SPHKAP: variants seen among roughly 807,000 people sequenced by gnomAD.
The protein encoded by SPHKAP is A-kinase anchor protein SPHKAP.
A neutral mutation model predicts 137.5 loss-of-function variants in SPHKAP; 67 were observed. That is an observed-to-expected ratio of 0.49 (90% CI 0.40 to 0.60). The LOEUF (loss-of-function observed/expected upper bound fraction) is 0.60, where lower values mean the gene tolerates loss of function less well. Among genes scored for constraint, SPHKAP ranks in the 20% least tolerant of loss-of-function variants. The pLI, the probability that SPHKAP is intolerant of heterozygous loss-of-function variation, is 0.00. For missense variants in SPHKAP, 2,097 were observed against 2,069.3 expected (o/e 1.01, Z -0.26); for synonymous variants, 813 against 785.3 (o/e 1.04, Z -0.59).
At chr2:228,058,034 T>G (rs1284329891) in intron 3 of SPHKAP, among the ~76,000 whole-genome samples, 1 of 152,146 alleles carries the variant, frequency 6.6e-6, no homozygotes, top group East Asian at 1.9e-4. Context: ...TAATAATTGG[T>G]CTTATTTAGT....
intron 8 of SPHKAP, chr2:227,994,168 G>T: frequency 1.5e-6 from 1 of 662,418 alleles, no homozygotes; most frequent in Non-Finnish European, 1.9e-6. Flanking sequence ...TGAGACTACA[G>T]AACCATAAGT....
chr2:228,072,613 T>A (rs903792511), intron 3 of SPHKAP, among the ~76,000 whole-genome samples: 3 of 152,198 alleles, frequency 2.0e-5, no homozygotes, highest in African/African-American at 7.2e-5. Context: ...ATAGCCCTAA[T>A]GACTTCTGAA....
At position 228,016,688 on chromosome 2, in the gene SPHKAP, T is replaced by C. The variant is rs759122353; in HGVS notation, c.4166A>G (p.Lys1389Arg). 3.1e-6 allele frequency: 5 copies of C among 1,614,066 alleles called. No homozygotes were observed. The Admixed American group carries it at 8.3e-5, about 27-fold the overall frequency. ...GCTGTGGTTTGTAAGAGAAGCAGTTTTGCTCAAAGATGACACTGGGGGCTG... is the reference window on the plus strand; with the variant it reads ...GCTGTGGTTTGTAAGAGAAGCAGTTCTGCTCAAAGATGACACTGGGGGCTG... ...CKQPPVSSLS[K>R]TASLTNHSPL... is the part of the protein sequence containing the mutation. The change falls in exon 7 of 12, where the codon AAA (lysine) becomes AGA (arginine). Residue 1389 changes from lysine to arginine, a missense_variant. Coordinates refer to ENST00000392056, the MANE Select transcript of SPHKAP (RefSeq NM_001142644.2).
In SPHKAP at chr2:228,093,370, T is replaced by C. The variant is rs188225399; in HGVS notation, c.246+15462A>G. Among the ~76,000 whole-genome samples, 4 of 152,240 alleles carry C rather than the reference T, an allele frequency of 2.6e-5. No individual in the cohort carries two copies. In the East Asian group the frequency reaches 7.7e-4, roughly 29 times the overall value. ...AGTATTATTCATAACAGTCAAAAAGTAGAAACAATGCAAACCTTCCTCAAC... is the reference window on the plus strand; with the variant it reads ...AGTATTATTCATAACAGTCAAAAAGCAGAAACAATGCAAACCTTCCTCAAC... On this transcript the variant is annotated intron_variant, in intron 3 of 11. Transcript: ENST00000392056.
Position 228,001,386 on chromosome 2 carries a change from CATAT to C in SPHKAP, c.4449-5696_4449-5693del, listed in dbSNP as rs572154026. 4.3e-3 allele frequency among the ~76,000 whole-genome samples: 601 copies of C among 139,446 alleles called. 2 individuals carry two copies. Among genetic ancestry groups the C allele is most frequent in the African/African-American group, 0.014 (520 of 38,028 alleles). 91.5% of individuals were successfully genotyped at this position (139,446 alleles called of 152,430 possible). On this transcript the variant is annotated intron_variant, in intron 7 of 11. Coordinates refer to ENST00000392056, the MANE Select transcript of SPHKAP (RefSeq NM_001142644.2). Reference sequence around the variant, plus strand: ...ATATACACACATAAATATATATACACATATATAAATATATATACATAAATATATA... The same window carrying C: ...ATATACACACATAAATATATATACACATAAATATATATACATAAATATATA...
At chr2:228,075,925 CCTCA>C (rs1229695089) in intron 3 of SPHKAP, among the ~76,000 whole-genome samples, 1 of 152,180 alleles carries the variant, frequency 6.6e-6, no homozygotes, top group African/African-American at 2.4e-5. Context: ...TTGGCTGTGT[CCTCA>C]CTCAAATCTC....
chr2:228,067,753 G>C (rs1159999854), intron 3 of SPHKAP, among the ~76,000 whole-genome samples: 1 of 152,076 alleles, frequency 6.6e-6, no homozygotes, highest in Non-Finnish European at 1.5e-5. Context: ...TATATGAATT[G>C]TTTACAAACA....
chr2:228,008,088 A>G (rs180927126), intron 7 of SPHKAP, among the ~76,000 whole-genome samples: 2 of 152,238 alleles, frequency 1.3e-5, no homozygotes, highest in Admixed American at 1.3e-4. Flanking sequence ...TTTATTAGAT[A>G]TGTATTTTAG....
At chr2:228,120,363 C>T (rs1698867675) in intron 2 of SPHKAP, among the ~76,000 whole-genome samples, 1 of 152,092 alleles carries the variant, frequency 6.6e-6, no homozygotes, top group Non-Finnish European at 1.5e-5. Flanking sequence ...ATATGGATTA[C>T]ACTGTTTTAT....
chr2:228,153,138 C>T (rs1020572352), intron 1 of SPHKAP, among the ~76,000 whole-genome samples: 1 of 152,100 alleles, frequency 6.6e-6, no homozygotes, highest in Non-Finnish European at 1.5e-5. Context: ...TCAATTAAAC[C>T]TCTTTTTCTT....
intron 3 of SPHKAP, among the ~76,000 whole-genome samples, chr2:228,041,197 C>T (rs948723463): frequency 6.6e-6 from 1 of 152,134 alleles, no homozygotes; most frequent in Non-Finnish European, 1.5e-5. Context: ...TTCCATCAAT[C>T]AGCAATTTTT....
chr2:228,120,662 G>C (rs1468475200), intron 2 of SPHKAP, among the ~76,000 whole-genome samples: 1 of 152,124 alleles, frequency 6.6e-6, no homozygotes, highest in Admixed American at 6.6e-5. Flanking sequence ...GAGTACAGAG[G>C]ACTAGTTAGA....
At chr2:228,001,221 T>G (rs886409541) in intron 7 of SPHKAP, among the ~76,000 whole-genome samples, 1 of 141,710 alleles carries the variant, frequency 7.1e-6, no homozygotes, top group Non-Finnish European at 1.5e-5. Context: ...CATTTTTCTT[T>G]TATATAAACA....
At chr2:227,987,258 C>G (rs1377646595) in intron 11 of SPHKAP, among the ~76,000 whole-genome samples, 1 of 152,232 alleles carries the variant, frequency 6.6e-6, no homozygotes, top group Non-Finnish European at 1.5e-5. Context: ...TTCATGCCCA[C>G]ATGGCTCATG....
chr2:228,014,355 G>GT (rs932069203), intron 7 of SPHKAP, among the ~76,000 whole-genome samples: 5 of 152,052 alleles, frequency 3.3e-5, no homozygotes, highest in African/African-American at 1.2e-4. Context: ...GAGCTAATTT[G>GT]TTTTTTTAAC....
At chr2:228,031,583 T>C (rs934512248) in intron 3 of SPHKAP, among the ~76,000 whole-genome samples, 4 of 152,202 alleles carry the variant, frequency 2.6e-5, no homozygotes, top group Non-Finnish European at 4.4e-5. Context: ...AGCGGGTCCT[T>C]GACCCCCGAG....
At chr2:228,131,422 G>A (rs1699245360) in intron 2 of SPHKAP, 4 of 402,394 alleles carry the variant, frequency 9.9e-6, no homozygotes, top group Non-Finnish European at 1.3e-5. Context: ...GGGAAAATGA[G>A]GTAGTTAAAT....
chr2:228,176,015 A>G (rs946673989), intron 1 of SPHKAP, among the ~76,000 whole-genome samples: 2 of 152,216 alleles, frequency 1.3e-5, no homozygotes, highest in African/African-American at 4.8e-5. Context: ...CTTGTACTTC[A>G]TAATACTGTC....
chr2:228,138,332 A>T (rs1307286411), intron 1 of SPHKAP, among the ~76,000 whole-genome samples: 1 of 152,234 alleles, frequency 6.6e-6, no homozygotes, highest in Non-Finnish European at 1.5e-5. Flanking sequence ...TCAGTTCTGC[A>T]CCGACAGCTC....
Sources: allele counts gnomAD v4.1 joint callset (sites outside exome capture counted in the v4.1 genomes callset), GRCh38; gene constraint gnomAD v4.1.1; transcripts MANE v1.5; gene names NCBI Gene and HGNC (gene_info 2026-07-23, HGNC 2026-07-21).